SATB2: variants seen among roughly 807,000 people sequenced by gnomAD.
SATB2 encodes the protein SATB homeobox 2.
In SATB2, 1 loss-of-function variant was observed where a neutral mutation model predicts 73.4. The ratio of observed to expected loss-of-function variants is 0.01; its 90% CI spans 0.00 to 0.06. The LOEUF (loss-of-function observed/expected upper bound fraction) is 0.06. SATB2 is among the 10% of genes least tolerant of loss of function. The probability of loss-of-function intolerance (pLI) is 1.00; values close to 1 mark genes in which losing one functional copy is unlikely to be tolerated. For missense variants in SATB2, 459 were observed against 945.8 expected, an observed-to-expected ratio of 0.49 and a Z score of 6.75; for synonymous variants, 397 against 367.0, an observed-to-expected ratio of 1.08 and a Z score of -0.93.
At chr2:199,328,019 G>A (rs1180135528) in intron 8 of SATB2, among the ~76,000 whole-genome samples, 1 of 152,130 alleles carries the variant, frequency 6.6e-6, no homozygotes, top group African/African-American at 2.4e-5. Context: ...TTGAGGGAAA[G>A]CAGTGTGCTT....
At chr2:199,362,788 T>G (rs192141175) in intron 6 of SATB2, among the ~76,000 whole-genome samples, 262 of 152,266 alleles carry the variant, frequency 1.7e-3, no homozygotes, top group Middle Eastern at 0.017. Flanking sequence ...TGTAGGCTTT[T>G]GGAAAGCAGG....
intron 2 of SATB2, among the ~76,000 whole-genome samples, chr2:199,437,565 G>A (rs752042031): frequency 6.6e-6 from 1 of 152,168 alleles, no homozygotes; most frequent in East Asian, 1.9e-4. Flanking sequence ...CCAGGTCAGG[G>A]TCAAGTCCTG....
At position 199,436,741 on chromosome 2, in the gene SATB2, T is replaced by C. The variant is rs565755127; in HGVS notation, c.170-3227A>G. 3.3e-5 allele frequency among the ~76,000 whole-genome samples: 5 copies of C among 151,836 alleles called. No individual in the cohort carries two copies. In the East Asian group the frequency reaches 9.7e-4, roughly 29 times the overall value. The stretch of plus-strand genomic sequence containing the variant: ...AAAATAGTATCATTGAGGTCAAGTG[T>C]AGAAAGAAGAAAATTAAGGCACAGG... On this transcript the variant is annotated intron_variant, in intron 2 of 10. Transcript: ENST00000417098.
chr2:199,289,366 G>T (rs567882886), intron 10 of SATB2, among the ~76,000 whole-genome samples: 1 of 152,228 alleles, frequency 6.6e-6, no homozygotes, highest in South Asian at 2.1e-4. Flanking sequence ...AGAAATCTCA[G>T]TTCCTAATTC....
At chr2:199,355,348 C>CTATATATATATATATATATATATATATA (rs72202602) in intron 6 of SATB2, among the ~76,000 whole-genome samples, 1 of 134,186 alleles carries the variant, frequency 7.5e-6, no homozygotes, top group Non-Finnish European at 1.6e-5. Flanking sequence ...GTGTGTGTAT[C>CTATATATATATATATATATATATATATA]TATATATATA....
chr2:199,281,221 A>AAG lies in SATB2; in HGVS notation c.1741-8551_1741-8550dup, dbSNP rs1431727078. On this transcript the variant is annotated intron_variant, in intron 10 of 10. Transcript: ENST00000417098. ...TGCACTCCAGCCTGGGTGACAGAGCAAGACCCTGTCTCAAAAAAAAAAAAG... is the reference window on the plus strand; with the variant it reads ...TGCACTCCAGCCTGGGTGACAGAGCAAGAGACCCTGTCTCAAAAAAAAAAAAG... 3.3e-5 allele frequency among the ~76,000 whole-genome samples: 5 copies of AAG among 151,026 alleles called. No individual in the cohort carries two copies. In the East Asian group the frequency reaches 9.8e-4, roughly 29 times the overall value.
intron 7 of SATB2, among the ~76,000 whole-genome samples, chr2:199,342,441 AAG>A (rs1688532940): frequency 6.6e-6 from 1 of 152,014 alleles, no homozygotes; most frequent in Non-Finnish European, 1.5e-5. Flanking sequence ...AAAAAAAAAA[AAG>A]AGTGGTGATA....
chr2:199,398,715 AACT>A (rs1690378228), intron 3 of SATB2, among the ~76,000 whole-genome samples: 1 of 152,218 alleles, frequency 6.6e-6, no homozygotes, highest in African/African-American at 2.4e-5. Context: ...ACCAAATGTA[AACT>A]ACTATTATTG....
chr2:199,335,282 A>G (rs535428116), intron 7 of SATB2, among the ~76,000 whole-genome samples: 2 of 152,300 alleles, frequency 1.3e-5, no homozygotes, highest in Admixed American at 1.3e-4. Context: ...AGAATTGAGC[A>G]TCTAAAGGGA....
intron 3 of SATB2, among the ~76,000 whole-genome samples, chr2:199,426,018 T>C (rs1007211210): frequency 1.3e-5 from 2 of 152,188 alleles, no homozygotes; most frequent in Admixed American, 1.3e-4. Context: ...GAGACATGGT[T>C]AACAGCAATT....
intron 9 of SATB2, among the ~76,000 whole-genome samples, chr2:199,311,057 G>A (rs563562969): frequency 6.6e-6 from 1 of 152,166 alleles, no homozygotes; most frequent in Non-Finnish European, 1.5e-5. Context: ...TGCTCAATTT[G>A]CCCACTGACA....
chr2:199,313,111 T>C (rs1687639587), intron 9 of SATB2, among the ~76,000 whole-genome samples: 1 of 152,212 alleles, frequency 6.6e-6, no homozygotes, highest in African/African-American at 2.4e-5. Flanking sequence ...GTCACTTTCC[T>C]GGTTTTGATA....
chr2:199,392,162 C>A (rs541498810), intron 3 of SATB2, among the ~76,000 whole-genome samples: 3 of 152,082 alleles, frequency 2.0e-5, no homozygotes, highest in Non-Finnish European at 4.4e-5. Flanking sequence ...CACTGCCCAG[C>A]GTGCCCAGTA....
chr2:199,393,742 A>T (rs946379548), intron 3 of SATB2, among the ~76,000 whole-genome samples: 12 of 142,676 alleles, frequency 8.4e-5, no homozygotes, highest in African/African-American at 1.8e-4. Flanking sequence ...ACTTTTCTTT[A>T]AAAAAAAATG....
Position 199,395,169 on chromosome 2 carries a change from A to G in SATB2, c.347-13349T>C, listed in dbSNP as rs529403636. On this transcript the variant is annotated intron_variant, in intron 3 of 10. Coordinates refer to ENST00000417098, the MANE Select transcript of SATB2 (RefSeq NM_001172509.2). ...AGATGAGCCTTTGGATACTGATGAC[A>G]CCTTAGTGGGCCCCAGTTTACCTCT... 1.9e-3 allele frequency among the ~76,000 whole-genome samples: 282 copies of G among 151,908 alleles called. 17 individuals are homozygous for G. The highest frequency in any genetic ancestry group is 1.4e-3 in the Non-Finnish European group (95 of 67,980).
chr2:199,443,416 T>C (rs1348140354), intron 2 of SATB2, among the ~76,000 whole-genome samples: 2 of 151,972 alleles, frequency 1.3e-5, no homozygotes, highest in Middle Eastern at 3.2e-3. Context: ...ATGTTTTCTT[T>C]GGGGAGTTTA....
chr2:199,289,243 A>G (rs927029967), intron 10 of SATB2, among the ~76,000 whole-genome samples: 1 of 152,108 alleles, frequency 6.6e-6, no homozygotes, highest in Non-Finnish European at 1.5e-5. Flanking sequence ...TGTGGCAGGT[A>G]TATCGGGTGA....
chr2:199,326,528 A>C (rs1232414462), intron 8 of SATB2, among the ~76,000 whole-genome samples: 3 of 152,082 alleles, frequency 2.0e-5, no homozygotes. Context: ...TAATCTTGTT[A>C]GGAAAATAGT....
intron 3 of SATB2, among the ~76,000 whole-genome samples, chr2:199,409,668 T>G (rs1690754060): frequency 6.6e-6 from 1 of 150,730 alleles, no homozygotes; most frequent in African/African-American, 2.5e-5. Context: ...TGTTTTTTTT[T>G]GTTTTTTTTT....
Sources: gnomAD v4.1 joint callset for allele counts (sites outside exome capture counted in the v4.1 genomes callset) on GRCh38, gnomAD v4.1.1 for gene constraint, MANE v1.5 for transcripts, NCBI Gene and HGNC (gene_info 2026-07-23, HGNC 2026-07-21) for gene names.